Variants in MAML2 observed in about 807,000 individuals in gnomAD.
The protein encoded by MAML2 is mastermind like transcriptional coactivator 2, also known as mastermind-like protein 2.
Under a neutral mutation model 96.1 loss-of-function variants are expected in MAML2, and 22 were observed. The ratio of observed to expected loss-of-function variants is 0.23; its 90% CI spans 0.16 to 0.33. The LOEUF is 0.33. Ranked by LOEUF, MAML2 falls within the 10% of genes least tolerant of loss-of-function variation. MAML2 has a pLI of 1.00. For synonymous variants in MAML2, 561 were observed against 521.3 expected, an observed-to-expected ratio of 1.08 and a Z score of -1.04; for missense variants, 1,367 against 1,392.4, an observed-to-expected ratio of 0.98 and a Z score of 0.29.
At chr11:96,301,344 A>G (rs1025127422) in intron 1 of MAML2, among the ~76,000 whole-genome samples, 2 of 152,216 alleles carry the variant, frequency 1.3e-5, no homozygotes, top group African/African-American at 4.8e-5. Context: ...CTCATATTCA[A>G]TGAGCGTACA....
chr11:96,077,671 T>C (rs1859464461), intron 2 of MAML2, among the ~76,000 whole-genome samples: 2 of 152,220 alleles, frequency 1.3e-5, no homozygotes, highest in African/African-American at 4.8e-5. Context: ...TGGACTGTAC[T>C]CAGAAATGCA....
chr11:96,228,889 TC>T (rs1565255698), intron 1 of MAML2, among the ~76,000 whole-genome samples: 2 of 152,182 alleles, frequency 1.3e-5, no homozygotes, highest in Non-Finnish European at 2.9e-5. Context: ...ATATCTATGT[TC>T]ACGCGGTCTC....
intron 1 of MAML2, among the ~76,000 whole-genome samples, chr11:96,309,798 A>G (rs1863512780): frequency 6.6e-6 from 1 of 151,180 alleles, no homozygotes; most frequent in South Asian, 2.1e-4. Context: ...CTCCAGGCTC[A>G]GGTATTCCTC....
intron 2 of MAML2, among the ~76,000 whole-genome samples, chr11:96,069,751 G>A (rs1225911457): frequency 2.0e-5 from 3 of 152,086 alleles, no homozygotes; most frequent in Admixed American, 6.6e-5. Flanking sequence ...CAGGCAGGGC[G>A]CAGTGGCTCA....
intron 1 of MAML2, among the ~76,000 whole-genome samples, chr11:96,195,846 T>C (rs1861721938): frequency 1.3e-5 from 2 of 152,326 alleles, no homozygotes; most frequent in South Asian, 4.1e-4. Flanking sequence ...AAAAACGACA[T>C]GTTCCACCAT....
chr11:96,032,291 TA>T (rs2135746988), intron 2 of MAML2, among the ~76,000 whole-genome samples: 2 of 152,094 alleles, frequency 1.3e-5, no homozygotes, highest in South Asian at 4.1e-4. Context: ...TTAAGATAAA[TA>T]AAAAGTTATG....
intron 1 of MAML2, among the ~76,000 whole-genome samples, chr11:96,317,058 C>T (rs894581879): frequency 6.6e-6 from 1 of 152,196 alleles, no homozygotes; most frequent in African/African-American, 2.4e-5. Context: ...TTTACTCGTC[C>T]TTCAGCTTCA....
At chr11:96,185,649 C>A (rs1252093180) in intron 1 of MAML2, among the ~76,000 whole-genome samples, 1 of 152,174 alleles carries the variant, frequency 6.6e-6, no homozygotes, top group Non-Finnish European at 1.5e-5. Flanking sequence ...GCCTCTCCCC[C>A]AGACCTGCTG....
At chr11:96,109,236 G>A (rs561800055) in intron 1 of MAML2, among the ~76,000 whole-genome samples, 1 of 152,244 alleles carries the variant, frequency 6.6e-6, no homozygotes, top group South Asian at 2.1e-4. Context: ...AAGCAGGCCT[G>A]GGAAGAATGG....
intron 2 of MAML2, among the ~76,000 whole-genome samples, chr11:96,046,226 C>G (rs575214512): frequency 1.5e-3 from 227 of 152,062 alleles, no homozygotes; most frequent in Non-Finnish European, 2.2e-3. Flanking sequence ...TGCCGCCAAC[C>G]ATTTTAAAGG....
Position 96,093,470 on chromosome 11 carries a change from G to A in MAML2, c.561C>T (p.Ala187=). The A allele has an allele frequency of 6.2e-7, 1 of 1,613,806 alleles. No individual in the cohort carries two copies. The highest frequency in any genetic ancestry group is 8.5e-7 in the Non-Finnish European group (1 of 1,179,820). ...KRKQVVNLSP[A]NSKRPNGFVD... is the part of the protein sequence containing the mutation. ...CAAAGCCATTGGGTCGCTTGCTGTT[G>A]GCAGGAGATAGGTTAACTACCTGTT... The change falls in exon 2 of 5, where the codon GCC becomes GCT. Residue 187 remains alanine (A), a synonymous_variant. Transcript: ENST00000524717.
At chr11:96,321,701 T>C (rs935506924) in intron 1 of MAML2, among the ~76,000 whole-genome samples, 9 of 152,244 alleles carry the variant, frequency 5.9e-5, no homozygotes, top group African/African-American at 1.4e-4. Flanking sequence ...ATTTACTCAG[T>C]ATACTAGACT....
intron 1 of MAML2, among the ~76,000 whole-genome samples, chr11:96,123,475 A>T (rs1473287185): frequency 6.6e-6 from 1 of 152,174 alleles, no homozygotes; most frequent in Non-Finnish European, 1.5e-5. Flanking sequence ...TTTGCCTTTG[A>T]TGTGGTTAAT....
chr11:96,276,288 C>T (rs1184234616), intron 1 of MAML2, among the ~76,000 whole-genome samples: 1 of 152,178 alleles, frequency 6.6e-6, no homozygotes, highest in Non-Finnish European at 1.5e-5. Flanking sequence ...TATGCACATT[C>T]ACTCTTGCTG....
chr11:96,311,025 A>G (rs997989459), intron 1 of MAML2, among the ~76,000 whole-genome samples: 1 of 152,218 alleles, frequency 6.6e-6, no homozygotes, highest in African/African-American at 2.4e-5. Flanking sequence ...TACATGTATC[A>G]TCTCATTTAA....
intron 1 of MAML2, among the ~76,000 whole-genome samples, chr11:96,208,190 C>A (rs914724085): frequency 6.6e-6 from 1 of 152,136 alleles, no homozygotes; most frequent in Admixed American, 6.5e-5. Flanking sequence ...TCTTATTCAG[C>A]CTATAATAAG....
At chr11:96,126,453 T>C (rs941033056) in intron 1 of MAML2, among the ~76,000 whole-genome samples, 8 of 147,634 alleles carry the variant, frequency 5.4e-5, no homozygotes, top group Non-Finnish European at 1.2e-4. Context: ...AGCTAGCTAC[T>C]TGGGAGGCTG....
chr11:96,079,976 CT>C (rs1859506959), intron 2 of MAML2, among the ~76,000 whole-genome samples: 3 of 152,086 alleles, frequency 2.0e-5, no homozygotes, highest in African/African-American at 7.2e-5. Context: ...TTTCACAGAG[CT>C]GTTAGATGGT....
At chr11:96,071,753 C>T (rs1203285213) in intron 2 of MAML2, among the ~76,000 whole-genome samples, 1 of 152,198 alleles carries the variant, frequency 6.6e-6, no homozygotes, top group African/African-American at 2.4e-5. Context: ...AATCTCATCT[C>T]CATCTTTATT....
Sources: allele counts gnomAD v4.1 joint callset (sites outside exome capture counted in the v4.1 genomes callset), GRCh38; gene constraint gnomAD v4.1.1; transcripts MANE v1.5; gene names NCBI Gene and HGNC (gene_info 2026-07-23, HGNC 2026-07-21).